Variants in FEZF2 observed in about 807,000 individuals in gnomAD.
FEZF2 encodes the protein FEZ family zinc finger 2.
A neutral mutation model predicts 32.8 loss-of-function variants in FEZF2; 2 were observed. That is an observed-to-expected ratio of 0.06 (90% CI 0.02 to 0.19). The LOEUF is 0.19. FEZF2 is among the 10% of genes least tolerant of loss of function. The probability of loss-of-function intolerance (pLI) is 1.00; values close to 1 mark genes in which losing one functional copy is unlikely to be tolerated. For synonymous variants in FEZF2, 322 were observed against 284.8 expected, an observed-to-expected ratio of 1.13 and a Z score of -1.32; for missense variants, 516 against 625.4, an observed-to-expected ratio of 0.83 and a Z score of 1.87.
Position 62,370,395 on chromosome 3 carries a change from A to C in FEZF2, c.1121-53T>G, listed in dbSNP as rs1704252136. 5 of 1,591,376 alleles carry C rather than the reference A, an allele frequency of 3.1e-6. No homozygotes were observed. The African/African-American group carries it at 6.7e-5, about 21-fold the overall frequency. On this transcript the variant is annotated intron_variant, in intron 4 of 4. Transcript: ENST00000283268. The surrounding 1 kb of genome is among the most constrained non-coding windows in gnomAD (Gnocchi z 4.2). ...GGGGGTATGGAGTAGAATGGTGGGGAGGAAGAGGCGGGCGTCCCAGGGGCA... is the reference window on the plus strand; with the variant it reads ...GGGGGTATGGAGTAGAATGGTGGGGCGGAAGAGGCGGGCGTCCCAGGGGCA...
intron 2 of FEZF2, 59 bp from the exon 3 acceptor site, chr3:62,371,726 CG>C (rs200680681): frequency 6.4e-6 from 10 of 1,556,118 alleles, no homozygotes; most frequent in East Asian, 2.3e-5. Flanking sequence ...CAATCAGCCC[CG>C]GGGGGGCCAC....
intron 2 of FEZF2, 54 bp downstream of exon 2, chr3:62,371,963 G>A: frequency 6.4e-7 from 1 of 1,566,876 alleles, no homozygotes; most frequent in Non-Finnish European, 8.6e-7. Flanking sequence ...CCCCAAGGAA[G>A]CCGCCGCCGC....
chr3:62,371,862 A>T (rs1159270243), intron 2 of FEZF2, among the ~76,000 whole-genome samples, 155 bp downstream of exon 2: 1 of 152,150 alleles, frequency 6.6e-6, no homozygotes, highest in African/African-American at 2.4e-5. Flanking sequence ...CCCATTTTAC[A>T]GAATAGGAAA....
At chr3:62,371,503 C>T in intron 3 of FEZF2, 30 bp downstream of exon 3, 1 of 1,592,640 alleles carries the variant, frequency 6.3e-7, no homozygotes. Flanking sequence ...GGGTTGCGCG[C>T]GGGCTAGGCC....
rs1211855896 is a variant in FEZF2, at chr3:62,369,922, A to G, written c.*161T>C. 1.1e-6 allele frequency: 1 copy of G among 872,726 alleles called. No homozygotes were observed. Among genetic ancestry groups the G allele is most frequent in the Non-Finnish European group, 1.7e-6 (1 of 600,652 alleles). 54.1% of individuals were successfully genotyped at this position (872,726 alleles called of 1,614,324 possible). On this transcript the variant is annotated 3_prime_UTR_variant, in exon 5 of 5. Coordinates refer to ENST00000283268, the MANE Select transcript of FEZF2 (RefSeq NM_018008.4). The surrounding 1 kb of genome is among the most constrained non-coding windows in gnomAD (Gnocchi z 4.2). ...GGGGGCCACGAGTTTGCTGCCAGTC[A>G]TCGAGGAAACATTTAGCTTTCCAAA...
At position 62,372,168 on chromosome 3, in the gene FEZF2, T is replaced by A; in HGVS notation, c.701A>T (p.His234Leu). The A allele has an allele frequency of 6.3e-7, 1 of 1,588,446 alleles. No homozygotes were observed. Residue 234 changes from histidine to leucine, a missense_variant, in exon 2 of 5, where the codon CAT becomes CTT. His to Leu is a moderately conservative substitution (Grantham distance 99). Coordinates refer to ENST00000283268, the MANE Select transcript of FEZF2 (RefSeq NM_018008.4). This position sits in a 1 kb window ranked among gnomAD's most constrained non-coding sequence, Gnocchi z 9.6. ...DKFPHPAPYPHKERLPAPLEQ... is the reference protein window; with the variant it reads ...DKFPHPAPYPLKERLPAPLEQ... Reference sequence around the variant, plus strand: ...CAGCGGCGCCGGCAAGCGCTCCTTATGGGGATAGGGAGCCGGGTGGGGGAA... The same window carrying A: ...CAGCGGCGCCGGCAAGCGCTCCTTAAGGGGATAGGGAGCCGGGTGGGGGAA...
chr3:62,373,199 C>A lies in FEZF2; in HGVS notation c.-59+80G>T. On this transcript the variant is annotated intron_variant, in intron 1 of 4. Coordinates refer to ENST00000283268, the MANE Select transcript of FEZF2 (RefSeq NM_018008.4). The surrounding 1 kb of genome is among the most constrained non-coding windows in gnomAD (Gnocchi z 5.5). Reference sequence around the variant, plus strand: ...ACCCCCCTGAGCCCTTCCCTGGACCCGGGCCTCTGCCACGCGTGCTGGGAG... The same window carrying A: ...ACCCCCCTGAGCCCTTCCCTGGACCAGGGCCTCTGCCACGCGTGCTGGGAG... The A allele has an allele frequency of 3.8e-6, 1 of 265,042 alleles. No individual in the cohort carries two copies. The highest frequency in any genetic ancestry group is 7.1e-6 in the Non-Finnish European group (1 of 141,446). 16.4% of individuals were successfully genotyped at this position (265,042 alleles called of 1,614,324 possible).
In FEZF2 at chr3:62,370,107, G is replaced by C. The variant is rs768671004; in HGVS notation, c.1356C>G (p.Asp452Glu). ...CTCAGCTCTGCACTGTCCTAGTCAG[G>C]TCCTTTGCGGAGGGGGCAGCAGGGC... The part of the protein sequence containing the change: ...SVGPAAPSAK[D>E]LTRTVQS The change falls in exon 5 of 5, where the codon GAC becomes GAG. Residue 452 changes from aspartate (D) to glutamate (E), a missense_variant. This residue lies in a region of FEZF2 where 29 missense variants were observed against 23.8 expected (regional missense o/e 1.22). Transcript: ENST00000283268. The surrounding 1 kb of genome is among the most constrained non-coding windows in gnomAD (Gnocchi z 4.2). 1 of 1,614,204 alleles carries C rather than the reference G, an allele frequency of 6.2e-7. No homozygotes were observed. The highest frequency in any genetic ancestry group is 1.7e-5 in the Admixed American group (1 of 60,022).
At position 62,372,152 on chromosome 3, in the gene FEZF2, C is replaced by T. The variant is rs1159362326; in HGVS notation, c.717G>A (p.Pro239=). 3 of 1,590,298 alleles carry T rather than the reference C, an allele frequency of 1.9e-6. No homozygotes were observed. The highest frequency in any genetic ancestry group is 2.3e-5 in the East Asian group (1 of 43,830). The change falls in exon 2 of 5, where the codon CCG becomes CCA. Residue 239 remains proline (P), a synonymous_variant. Transcript: ENST00000283268. This position sits in a 1 kb window ranked among gnomAD's most constrained non-coding sequence, Gnocchi z 9.6. Reference sequence around the variant, plus strand: ...CCTTCAGTACCTGCTCCAGCGGCGCCGGCAAGCGCTCCTTATGGGGATAGG... The same window carrying T: ...CCTTCAGTACCTGCTCCAGCGGCGCTGGCAAGCGCTCCTTATGGGGATAGG... ...PAPYPHKERL[P]APLEQVLKEN... is the part of the protein sequence containing the mutation.
Position 62,373,052 on chromosome 3 carries a change from G to A in FEZF2, c.-58-126C>T. 2.4e-6 allele frequency: 1 copy of A among 413,910 alleles called. No homozygotes were observed. The highest frequency in any genetic ancestry group is 3.8e-6 in the Non-Finnish European group (1 of 262,532). The allele number at this position is 413,910 out of a possible 1,614,324, so 25.6% of individuals were successfully genotyped here. A position where few individuals can be genotyped will look rare whatever the true frequency, so the allele number is the denominator to read the frequency against. On this transcript the variant is annotated intron_variant, in intron 1 of 4. Transcript: ENST00000283268. The surrounding 1 kb of genome is among the most constrained non-coding windows in gnomAD (Gnocchi z 5.5). Reference sequence around the variant, plus strand: ...GTGCACCCAAGGGTACCAAATTACCGCCCATTAACCCGGCGCGCAAAGGAA... The same window carrying A: ...GTGCACCCAAGGGTACCAAATTACCACCCATTAACCCGGCGCGCAAAGGAA...
chr3:62,372,245 G>C lies in FEZF2; in HGVS notation c.624C>G (p.Pro208=), dbSNP rs1472423678. Residue 208 remains proline, a synonymous_variant, in exon 2 of 5, where the codon CCC becomes CCG. Transcript: ENST00000283268. This position sits in a 1 kb window ranked among gnomAD's most constrained non-coding sequence, Gnocchi z 9.6. ...TGGCGTTCTCCAGCAGAAAGAGCTT[G>C]GGGTGAGCAGCCAGGGCGGCGGGGG... ...AQAPAALAAH[P]KLFLLENAKL... is the part of the protein sequence containing the mutation. 1 of 1,580,194 alleles carries C rather than the reference G, an allele frequency of 6.3e-7. No homozygotes were observed. The highest frequency in any genetic ancestry group is 8.6e-7 in the Non-Finnish European group (1 of 1,162,962).
At position 62,369,851 on chromosome 3, in the gene FEZF2, G is replaced by A. The variant is rs935566560; in HGVS notation, c.*232C>T. ...GAAGCGGAGGCCTGGAATTAAATAC[G>A]TTTCGGCGCACTGGATTTAAATAAG... On this transcript the variant is annotated 3_prime_UTR_variant, in exon 5 of 5. Coordinates refer to ENST00000283268, the MANE Select transcript of FEZF2 (RefSeq NM_018008.4). The surrounding 1 kb of genome is among the most constrained non-coding windows in gnomAD (Gnocchi z 4.2). 6 of 500,072 alleles carry A rather than the reference G, an allele frequency of 1.2e-5. No homozygotes were observed. The highest frequency in any genetic ancestry group is 3.4e-5 in the East Asian group (1 of 29,140). 31.0% of individuals were successfully genotyped at this position (500,072 alleles called of 1,614,324 possible).
rs1704295636 is a variant in FEZF2, at chr3:62,372,929, G to T, written c.-58-3C>A. 2.3e-6 allele frequency: 3 copies of T among 1,320,880 alleles called. No individual in the cohort carries two copies. The East Asian group carries it at 9.1e-5, about 40-fold the overall frequency. 81.8% of individuals were successfully genotyped at this position (1,320,880 alleles called of 1,614,324 possible). ...GGCGCAGCCTCTCTCCTCTAAGTCT[G>T]CATTCCGGAAAAGGCAGGGGGGAAA... On this transcript the variant is annotated splice_region_variant and splice_polypyrimidine_tract_variant and intron_variant, in intron 1 of 4. Coordinates refer to ENST00000283268, the MANE Select transcript of FEZF2 (RefSeq NM_018008.4). This position sits in a 1 kb window ranked among gnomAD's most constrained non-coding sequence, Gnocchi z 9.6.
In FEZF2 at chr3:62,370,413, CA is replaced by C; in HGVS notation, c.1121-72del. 1 of 1,555,038 alleles carries C rather than the reference CA, an allele frequency of 6.4e-7. No homozygotes were observed. On this transcript the variant is annotated intron_variant, in intron 4 of 4. Coordinates refer to ENST00000283268, the MANE Select transcript of FEZF2 (RefSeq NM_018008.4). This position sits in a 1 kb window ranked among gnomAD's most constrained non-coding sequence, Gnocchi z 4.2. ...GGTGGGGAGGAAGAGGCGGGCGTCC[CA>C]GGGGCAGCCCAGGTGCCTGCTCAAA... is the stretch of plus-strand genomic sequence containing the variant.
chr3:62,372,951 G>A lies in FEZF2; in HGVS notation c.-58-25C>T, dbSNP rs913520077. 6.3e-5 allele frequency: 81 copies of A among 1,276,678 alleles called. No individual in the cohort carries two copies. Among genetic ancestry groups the A allele is most frequent in the African/African-American group, 4.7e-4 (30 of 64,472 alleles). The allele number at this position is 1,276,678 out of a possible 1,614,324, so 79.1% of individuals were successfully genotyped here. A position where few individuals can be genotyped will look rare whatever the true frequency, so the allele number is the denominator to read the frequency against. ...TCTGCATTCCGGAAAAGGCAGGGGG[G>A]AAAACTGCAATTTAATAAGCACCTA... On this transcript the variant is annotated intron_variant, in intron 1 of 4. Transcript: ENST00000283268. The surrounding 1 kb of genome is among the most constrained non-coding windows in gnomAD (Gnocchi z 9.6).
In FEZF2 at chr3:62,373,142, G is replaced by C. The variant is rs889835561; in HGVS notation, c.-59+137C>G. 6 of 350,436 alleles carry C rather than the reference G, an allele frequency of 1.7e-5. No homozygotes were observed. The highest frequency in any genetic ancestry group is 4.3e-5 in the African/African-American group (2 of 46,894). 21.7% of individuals were successfully genotyped at this position (350,436 alleles called of 1,614,324 possible). On this transcript the variant is annotated intron_variant, in intron 1 of 4. Transcript: ENST00000283268. This position sits in a 1 kb window ranked among gnomAD's most constrained non-coding sequence, Gnocchi z 5.5. ...AGGGGGAGGGTTTACAAAAGAAAAG[G>C]GGGGGGGCGGTGAGAAAAGAGTCTC...
rs1339661225 is a variant in FEZF2 at position 62,372,209 on chromosome 3, G to T, written c.660C>A (p.Gly220=). ...GGTGGGGGAACTTGTCCGCAGCCAG[G>T]CCGGCCAGCTTGGCGTTCTCCAGCA... ...LFLLENAKLA[G]LAADKFPHPA... The change falls in exon 2 of 5, where the codon GGC becomes GGA. Residue 220 remains glycine, a synonymous_variant. Transcript: ENST00000283268. The surrounding 1 kb of genome is among the most constrained non-coding windows in gnomAD (Gnocchi z 9.6). 2 of 1,575,556 alleles carry T rather than the reference G, an allele frequency of 1.3e-6. No homozygotes were observed. The highest frequency in any genetic ancestry group is 1.7e-6 in the Non-Finnish European group (2 of 1,160,414).
rs1427000659 is a variant in FEZF2, at chr3:62,371,886, A to T, written c.852+131T>A. On this transcript the variant is annotated intron_variant, in intron 2 of 4. Transcript: ENST00000283268. ...CAGAATAGGAAACTGAGGCCCAACG[A>T]GGCTCCCAGTTTGGGTAGTCAACTA... The T allele has an allele frequency of 1.7e-5, 24 of 1,428,622 alleles. No individual in the cohort carries two copies. In the South Asian group the frequency reaches 3.4e-4, roughly 20 times the overall value. The allele number at this position is 1,428,622 out of a possible 1,614,324, so 88.5% of individuals were successfully genotyped here.
rs1704259666 is a variant in FEZF2, at chr3:62,370,878, T to C, written c.1120+339A>G. The stretch of plus-strand genomic sequence containing the variant: ...CGGGAGGGTTATTTTGCCTCCAATA[T>C]TTTTCATTTGAAAGGGAAGTTCCGG... On this transcript the variant is annotated intron_variant, in intron 4 of 4. Transcript: ENST00000283268. This position sits in a 1 kb window ranked among gnomAD's most constrained non-coding sequence, Gnocchi z 4.2. Among the ~76,000 whole-genome samples, 1 of 152,220 alleles carries C rather than the reference T, an allele frequency of 6.6e-6. No homozygotes were observed. The highest frequency in any genetic ancestry group is 2.1e-4 in the South Asian group (1 of 4,826).
Sources: gnomAD v4.1 joint callset for allele counts (sites outside exome capture counted in the v4.1 genomes callset) on GRCh38, gnomAD v4.1.1 for gene constraint, gnomAD v4.1.1 regional missense constraint, Gnocchi (gnomAD v3.1) non-coding constraint, MANE v1.5 for transcripts, NCBI Gene and HGNC (gene_info 2026-07-23, HGNC 2026-07-21) for gene names.